Variants in ACACA observed in about 807,000 individuals in gnomAD.
The protein encoded by ACACA is acetyl-CoA carboxylase 1.
Under a neutral mutation model 296.1 loss-of-function variants are expected in ACACA, and 103 were observed. The ratio of observed to expected loss-of-function variants is 0.35; its 90% CI spans 0.30 to 0.41. The LOEUF (loss-of-function observed/expected upper bound fraction) is 0.41. ACACA is among the 10% of genes least tolerant of loss of function. The probability of loss-of-function intolerance (pLI) is 1.00; values close to 1 mark genes in which losing one functional copy is unlikely to be tolerated. For synonymous variants in ACACA, 953 were observed against 1,038.6 expected (o/e 0.92, Z 1.58); for missense variants, 1,554 against 2,989.7 (o/e 0.52, Z 11.20).
At chr17:37,224,543 ATAAAAT>A (rs1288972704) in intron 27 of ACACA, among the ~76,000 whole-genome samples, 2 of 152,214 alleles carry the variant, frequency 1.3e-5, no homozygotes, top group African/African-American at 2.4e-5. Flanking sequence ...AAGCATTAAC[ATAAAAT>A]TAAAATTAAA....
intron 1 of ACACA, among the ~76,000 whole-genome samples, chr17:37,357,265 G>T (rs1308041244): frequency 6.6e-6 from 1 of 152,154 alleles, no homozygotes; most frequent in Non-Finnish European, 1.5e-5. Context: ...GGCCGAGGAG[G>T]GTGGATCACC....
At chr17:37,289,514 C>T (rs191795186) in intron 3 of ACACA, 334 of 1,351,376 alleles carry the variant, frequency 2.5e-4, no homozygotes, top group Middle Eastern at 6.3e-4. Flanking sequence ...TCATATCCCA[C>T]GAGTATTTCA....
chr17:37,098,027 G>A, intron 52 of ACACA, 43 bp from the exon 53 acceptor site: 10 of 1,613,472 alleles, frequency 6.2e-6, no homozygotes, highest in Non-Finnish European at 8.5e-6. Flanking sequence ...GTAATGACCA[G>A]GAATCTCTCT....
At position 37,406,506 on chromosome 17, in the gene ACACA, T is replaced by C; in HGVS notation, c.-207A>G. The C allele has an allele frequency of 1.6e-6, 1 of 635,856 alleles. No individual in the cohort carries two copies. Among genetic ancestry groups the C allele is most frequent in the Non-Finnish European group, 2.8e-6 (1 of 358,070 alleles). The allele number at this position is 635,856 out of a possible 1,614,324, so 39.4% of individuals were successfully genotyped here. On this transcript the variant is annotated 5_prime_UTR_variant, in exon 1 of 56. Coordinates refer to ENST00000616317, the MANE Select transcript of ACACA (RefSeq NM_198834.3). ...CTCGCCGTCCCTGGGCCCAGTTCCC[T>C]CAGCCTCAATTTCCCTTGCTGCAAC...
rs369031399 is a variant in ACACA, at chr17:37,223,907, T to G, written c.3475-306A>C. Among the ~76,000 whole-genome samples, 12 of 152,360 alleles carry G rather than the reference T, an allele frequency of 7.9e-5. No homozygotes were observed. The East Asian group carries it at 2.1e-3, about 27-fold the overall frequency. On this transcript the variant is annotated intron_variant, in intron 27 of 55. Coordinates refer to ENST00000616317, the MANE Select transcript of ACACA (RefSeq NM_198834.3). ...TTTTCTGACATTTATCTGAACTCTC[T>G]AAATATTGTCTTCACCAGGCATGGT...
At chr17:37,292,046 C>T (rs2083093808) in intron 3 of ACACA, among the ~76,000 whole-genome samples, 1 of 151,456 alleles carries the variant, frequency 6.6e-6, no homozygotes, top group South Asian at 2.1e-4. Context: ...TAAAAATGTG[C>T]TTATGCATCT....
intron 41 of ACACA, among the ~76,000 whole-genome samples, chr17:37,176,176 C>A (rs570866909): frequency 6.6e-6 from 1 of 152,286 alleles, no homozygotes; most frequent in East Asian, 1.9e-4. Flanking sequence ...GAGAAAAGCA[C>A]CTCAATTCAT....
chr17:37,239,562 G>A (rs1408785713), intron 24 of ACACA, among the ~76,000 whole-genome samples: 6 of 152,134 alleles, frequency 3.9e-5, no homozygotes, highest in African/African-American at 1.4e-4. Flanking sequence ...TAGTTTCCAA[G>A]AGTTTGTCAT....
intron 19 of ACACA, among the ~76,000 whole-genome samples, chr17:37,246,291 T>C (rs1598300877): frequency 2.0e-5 from 3 of 152,360 alleles, no homozygotes; most frequent in Non-Finnish European, 1.5e-5. Context: ...ACAAGTGCTA[T>C]TGCCTAGTAT....
rs73287926 is a variant in ACACA at position 37,109,943 on chromosome 17, A to G, written c.6565+1588T>C. Among the ~76,000 whole-genome samples, 384 of 152,340 alleles carry G rather than the reference A, an allele frequency of 2.5e-3. 1 individual carries two copies. The highest frequency in any genetic ancestry group is 9.0e-3 in the African/African-American group (375 of 41,596). ...AAATGGAGCTCTCTCTGCTTCTGCTAGAGTCAGCATGAACTGCGGCCCTGC... is the reference window on the plus strand; with the variant it reads ...AAATGGAGCTCTCTCTGCTTCTGCTGGAGTCAGCATGAACTGCGGCCCTGC... On this transcript the variant is annotated intron_variant, in intron 52 of 55. Transcript: ENST00000616317.
chr17:37,390,250 AT>A lies in ACACA; in HGVS notation c.38+16011del, dbSNP rs1450422149. Among the ~76,000 whole-genome samples the A allele has an allele frequency of 0.02, 709 of 34,598 alleles. 35 individuals are homozygous for A. The East Asian group carries it at 0.38, about 19-fold the overall frequency. 22.7% of individuals were successfully genotyped at this position (34,598 alleles called of 152,430 possible). ...TAATTATATATAATATATTATATAT[AT>A]ATTATATATAATTATATATAATATA... On this transcript the variant is annotated intron_variant, in intron 1 of 55. Coordinates refer to ENST00000616317, the MANE Select transcript of ACACA (RefSeq NM_198834.3).
intron 3 of ACACA, among the ~76,000 whole-genome samples, chr17:37,316,534 C>G (rs1346701012): frequency 5.3e-5 from 8 of 152,064 alleles, no homozygotes; most frequent in African/African-American, 1.4e-4. Context: ...TAACAAGAAC[C>G]CTCTGAAGTA....
rs577557232 is a variant in ACACA at position 37,205,060 on chromosome 17, AG to A, written c.4056+704del. On this transcript the variant is annotated intron_variant, in intron 33 of 55. Coordinates refer to ENST00000616317, the MANE Select transcript of ACACA (RefSeq NM_198834.3). ...GGCAGTGGGAATTTTAAAACTGGAAAGAAGAAAAAGAGAAAGGGTAAAAAAG... is the reference window on the plus strand; with the variant it reads ...GGCAGTGGGAATTTTAAAACTGGAAAAAGAAAAAGAGAAAGGGTAAAAAAG... Among the ~76,000 whole-genome samples, 310 of 152,324 alleles carry A rather than the reference AG, an allele frequency of 2.0e-3. 1 individual carries two copies. Among genetic ancestry groups the A allele is most frequent in the Non-Finnish European group, 1.5e-3 (99 of 68,024 alleles).
At position 37,277,070 on chromosome 17, in the gene ACACA, T is replaced by C. The variant is rs777063892; in HGVS notation, c.765A>G (p.Leu255=). 1.9e-6 allele frequency: 3 copies of C among 1,614,090 alleles called. No individual in the cohort carries two copies. Residue 255 remains leucine (L), a synonymous_variant, in exon 7 of 56, where the codon CTA becomes CTG. Transcript: ENST00000616317. Reference sequence around the variant, plus strand: ...TGCCATTTTTCAAGAGAAGTTCCGGTAGTTTGGGATTCTCAGAAGCATGAC... The same window carrying C: ...TGCCATTTTTCAAGAGAAGTTCCGGCAGTTTGGGATTCTCAGAAGCATGAC... The part of the protein sequence containing the change: ...GWGHASENPK[L]PELLLKNGIA...
intron 41 of ACACA, 152 bp downstream of exon 41, chr17:37,179,108 T>C (rs1200615947): frequency 2.0e-6 from 2 of 980,984 alleles, no homozygotes; most frequent in Non-Finnish European, 3.0e-6. Flanking sequence ...ACCTAAAAAA[T>C]TAATAATTTC....
intron 35 of ACACA, among the ~76,000 whole-genome samples, chr17:37,197,283 T>C (rs1450460233): frequency 6.6e-6 from 1 of 152,244 alleles, no homozygotes; most frequent in Admixed American, 6.5e-5. Context: ...TGTCTTATTC[T>C]GGTTCTGAGG....
chr17:37,152,820 A>T (rs2144186729), intron 43 of ACACA, among the ~76,000 whole-genome samples: 1 of 152,344 alleles, frequency 6.6e-6, no homozygotes, highest in East Asian at 1.9e-4. Flanking sequence ...TAAGTACCCC[A>T]TAGTGGCTCT....
intron 1 of ACACA, among the ~76,000 whole-genome samples, chr17:37,370,942 C>T (rs2049781603): frequency 6.6e-6 from 1 of 151,050 alleles, no homozygotes; most frequent in Non-Finnish European, 1.5e-5. Flanking sequence ...TGAGATTATG[C>T]CACTGCACTC....
Position 37,229,796 on chromosome 17 carries a change from G to A in ACACA, c.3247-3344C>T, listed in dbSNP as rs572490871. Among the ~76,000 whole-genome samples, 49 of 152,042 alleles carry A rather than the reference G, an allele frequency of 3.2e-4. No individual in the cohort carries two copies. The South Asian group carries it at 3.3e-3, about 10-fold the overall frequency. Reference sequence around the variant, plus strand: ...TAGAAAAAATAAATGTGGGCCAGGCGTGGTGGCTCACGCCTGTAATCCCAG... The same window carrying A: ...TAGAAAAAATAAATGTGGGCCAGGCATGGTGGCTCACGCCTGTAATCCCAG... On this transcript the variant is annotated intron_variant, in intron 25 of 55. Coordinates refer to ENST00000616317, the MANE Select transcript of ACACA (RefSeq NM_198834.3).
Sources: gnomAD v4.1 joint callset for allele counts (sites outside exome capture counted in the v4.1 genomes callset) on GRCh38, gnomAD v4.1.1 for gene constraint, MANE v1.5 for transcripts, NCBI Gene and HGNC (gene_info 2026-07-23, HGNC 2026-07-21) for gene names.